SLC9A9: variants seen among roughly 807,000 people sequenced by gnomAD.
SLC9A9 encodes solute carrier family 9 member A9, also known as sodium/hydrogen exchanger 9.
In SLC9A9, 62 loss-of-function variants were observed where a neutral mutation model predicts 77.8. The observed-to-expected ratio is 0.80, with a 90% CI of 0.65 to 0.98. The LOEUF (loss-of-function observed/expected upper bound fraction) is 0.98. SLC9A9 is among the 50% of genes least tolerant of loss of function. The pLI is 0.00. For missense variants in SLC9A9, 775 were observed against 774.9 expected (o/e 1.00, Z 0.00); for synonymous variants, 320 against 283.5 (o/e 1.13, Z -1.29).
intron 9 of SLC9A9, among the ~76,000 whole-genome samples, chr3:143,539,109 T>C (rs2036643185): frequency 6.6e-6 from 1 of 152,212 alleles, no homozygotes. Context: ...AGGTATTCAC[T>C]GTTGAGGCAG....
intron 13 of SLC9A9, among the ~76,000 whole-genome samples, chr3:143,364,087 CA>C (rs911160455): frequency 3.3e-5 from 5 of 151,886 alleles, no homozygotes; most frequent in Admixed American, 3.3e-4. Flanking sequence ...AAGATTGCAA[CA>C]ATTGAATGTG....
chr3:143,828,959 C>G (rs911197227), intron 2 of SLC9A9, among the ~76,000 whole-genome samples: 1 of 152,216 alleles, frequency 6.6e-6, no homozygotes, highest in Admixed American at 6.5e-5. Flanking sequence ...ACCCTTGATA[C>G]TCCCTAAATC....
At chr3:143,311,480 T>C (rs1223439645) in intron 14 of SLC9A9, among the ~76,000 whole-genome samples, 1 of 152,350 alleles carries the variant, frequency 6.6e-6, no homozygotes. Context: ...GTCCAGGACA[T>C]GAGAAATTCT....
intron 6 of SLC9A9, among the ~76,000 whole-genome samples, chr3:143,635,824 G>A (rs1385959267): frequency 6.6e-6 from 1 of 152,136 alleles, no homozygotes. Context: ...ACCATCTCTT[G>A]TTTAAGATTT....
intron 6 of SLC9A9, among the ~76,000 whole-genome samples, chr3:143,642,974 T>G (rs1187872994): frequency 6.6e-6 from 1 of 152,238 alleles, no homozygotes; most frequent in Non-Finnish European, 1.5e-5. Flanking sequence ...TCTCATATTT[T>G]TGTAATTTTT....
At chr3:143,784,743 A>G (rs1267610577) in intron 4 of SLC9A9, among the ~76,000 whole-genome samples, 5 of 152,166 alleles carry the variant, frequency 3.3e-5, no homozygotes, top group Non-Finnish European at 7.3e-5. Context: ...ATTATTTGCA[A>G]AGATGGCTAC....
At chr3:143,724,452 A>T (rs1934586270) in intron 4 of SLC9A9, among the ~76,000 whole-genome samples, 1 of 152,194 alleles carries the variant, frequency 6.6e-6, no homozygotes, top group African/African-American at 2.4e-5. Flanking sequence ...GAATGGACTA[A>T]CACACATGTC....
chr3:143,807,377 A>G (rs1184145660), intron 2 of SLC9A9, among the ~76,000 whole-genome samples: 1 of 152,260 alleles, frequency 6.6e-6, no homozygotes, highest in East Asian at 1.9e-4. Flanking sequence ...CAGTATAACA[A>G]AAGAAATGGT....
At chr3:143,737,177 AAAC>A (rs1036144312) in intron 4 of SLC9A9, among the ~76,000 whole-genome samples, 3 of 152,192 alleles carry the variant, frequency 2.0e-5, no homozygotes, top group Non-Finnish European at 2.9e-5. Flanking sequence ...TTCGTCACGA[AAAC>A]AACATTTTCT....
At chr3:143,598,231 G>A (rs2037790624) in intron 6 of SLC9A9, among the ~76,000 whole-genome samples, 1 of 152,270 alleles carries the variant, frequency 6.6e-6, no homozygotes, top group African/African-American at 2.4e-5. Flanking sequence ...AGTAGCTGCA[G>A]CTGTTGCCAT....
chr3:143,779,712 C>A (rs1200759417), intron 4 of SLC9A9, among the ~76,000 whole-genome samples: 1 of 152,158 alleles, frequency 6.6e-6, no homozygotes, highest in African/African-American at 2.4e-5. Context: ...ATAATTCCTG[C>A]CCCTGCCTAT....
At chr3:143,298,374 CT>C (rs916189675) in intron 14 of SLC9A9, among the ~76,000 whole-genome samples, 29 of 152,194 alleles carry the variant, frequency 1.9e-4, no homozygotes, top group Admixed American at 1.8e-3. Context: ...TTTTGTTCTC[CT>C]TGTTGGATCA....
At chr3:143,737,673 T>C (rs1424012546) in intron 4 of SLC9A9, among the ~76,000 whole-genome samples, 2 of 152,240 alleles carry the variant, frequency 1.3e-5, no homozygotes, top group Non-Finnish European at 2.9e-5. Context: ...TGCTATCCTA[T>C]ACTAATGTTT....
chr3:143,674,379 T>C (rs1183540582), intron 5 of SLC9A9, among the ~76,000 whole-genome samples: 2 of 152,188 alleles, frequency 1.3e-5, no homozygotes, highest in African/African-American at 4.8e-5. Context: ...ATTTTATTTT[T>C]AGTGGAAGGC....
At chr3:143,472,776 A>G (rs986909603) in intron 11 of SLC9A9, among the ~76,000 whole-genome samples, 7 of 152,366 alleles carry the variant, frequency 4.6e-5, no homozygotes, top group Non-Finnish European at 8.8e-5. Flanking sequence ...TTACATACGG[A>G]AAAGTGATTG....
chr3:143,815,885 A>AAAC (rs1304369855), intron 2 of SLC9A9, among the ~76,000 whole-genome samples: 1 of 152,100 alleles, frequency 6.6e-6, no homozygotes. Flanking sequence ...ACAAACAAAC[A>AAAC]AACAAAAACA....
chr3:143,615,916 T>C (rs1262357081), intron 6 of SLC9A9, among the ~76,000 whole-genome samples: 2 of 151,482 alleles, frequency 1.3e-5, no homozygotes, highest in Non-Finnish European at 2.9e-5. Flanking sequence ...AGTCTCGCTC[T>C]GTTGCCCAGC....
chr3:143,844,460 GA>G (rs1355513119), intron 1 of SLC9A9, among the ~76,000 whole-genome samples: 1 of 152,088 alleles, frequency 6.6e-6, no homozygotes, highest in Non-Finnish European at 1.5e-5. Context: ...TGATGCTGGG[GA>G]AAAACATTTA....
intron 6 of SLC9A9, among the ~76,000 whole-genome samples, chr3:143,619,387 C>T (rs769046833): frequency 2.8e-4 from 43 of 152,188 alleles, no homozygotes; most frequent in Non-Finnish European, 4.9e-4. Context: ...AGGAAGCTTA[C>T]GCAAAGCAAA....
Sources: gnomAD v4.1 joint callset for allele counts (sites outside exome capture counted in the v4.1 genomes callset) on GRCh38, gnomAD v4.1.1 for gene constraint, MANE v1.5 for transcripts, NCBI Gene and HGNC (gene_info 2026-07-23, HGNC 2026-07-21) for gene names.